GSTCD: variants seen among roughly 807,000 people sequenced by gnomAD.
The protein encoded by GSTCD is glutathione S-transferase C-terminal domain containing.
In GSTCD, 44 loss-of-function variants were observed where a neutral mutation model predicts 68.3. That is an observed-to-expected ratio of 0.64 (90% CI 0.51 to 0.83). The LOEUF is 0.83. Ranked by LOEUF, GSTCD falls within the 40% of genes least tolerant of loss-of-function variation. The probability of loss-of-function intolerance (pLI) is 0.00; values close to 1 mark genes in which losing one functional copy is unlikely to be tolerated. For missense variants in GSTCD, 739 were observed against 735.9 expected (o/e 1.00, Z -0.05); for synonymous variants, 273 against 255.2 (o/e 1.07, Z -0.67).
chr4:105,713,182 C>A (rs192299537), intron 1 of GSTCD, among the ~76,000 whole-genome samples: 10 of 151,748 alleles, frequency 6.6e-5, no homozygotes, highest in Admixed American at 5.2e-4. Context: ...AAAATATATA[C>A]CTAATTGTGT....
rs772645074 is a variant in GSTCD at position 105,842,048 on chromosome 4, A to G, written c.1696-17A>G. On this transcript the variant is annotated splice_polypyrimidine_tract_variant and intron_variant, in intron 10 of 11. Coordinates refer to ENST00000515279, the MANE Select transcript of GSTCD (RefSeq NM_001370181.1). ...GAAGATAAAAATAAACCCACATTCT[A>G]TTGCTTTTTCTTTTAGGAACACATG... The G allele has an allele frequency of 4.4e-6, 7 of 1,604,308 alleles. No homozygotes were observed. The African/African-American group carries it at 8.0e-5, about 18-fold the overall frequency.
chr4:105,722,414 C>T lies in GSTCD; in HGVS notation c.894+2887C>T, dbSNP rs535918152. 6.5e-4 allele frequency among the ~76,000 whole-genome samples: 99 copies of T among 152,104 alleles called. No individual in the cohort carries two copies. The South Asian group carries it at 0.017, about 26-fold the overall frequency. The stretch of plus-strand genomic sequence containing the variant: ...CTCAAGAGCTTTTAGCTTTAACTCA[C>T]TAGTTCTAATTTATAAGTAAAAAAC... On this transcript the variant is annotated intron_variant, in intron 3 of 11. Transcript: ENST00000515279.
At chr4:105,844,099 A>G (rs1449772834) in intron 11 of GSTCD, among the ~76,000 whole-genome samples, 5 of 152,186 alleles carry the variant, frequency 3.3e-5, no homozygotes. Context: ...TGGAAAAGGA[A>G]AAATTAACTG....
intron 5 of GSTCD, among the ~76,000 whole-genome samples, chr4:105,760,774 A>C (rs1734375568): frequency 6.6e-6 from 1 of 152,190 alleles, no homozygotes; most frequent in Non-Finnish European, 1.5e-5. Context: ...TTTATGAAGT[A>C]ATGCCAGCTA....
At chr4:105,833,098 C>A (rs1723966416) in intron 8 of GSTCD, among the ~76,000 whole-genome samples, 1 of 152,188 alleles carries the variant, frequency 6.6e-6, no homozygotes, top group Non-Finnish European at 1.5e-5. Flanking sequence ...AGAGATCTTG[C>A]TTTCCTCTTC....
At chr4:105,817,089 C>T (rs1578502533) in intron 5 of GSTCD, among the ~76,000 whole-genome samples, 1 of 151,794 alleles carries the variant, frequency 6.6e-6, no homozygotes, top group Admixed American at 6.6e-5. Flanking sequence ...CTTTTAAGAA[C>T]ATTGTACAAT....
intron 5 of GSTCD, among the ~76,000 whole-genome samples, chr4:105,752,065 T>C (rs1189780053): frequency 6.6e-6 from 1 of 152,158 alleles, no homozygotes; most frequent in African/African-American, 2.4e-5. Flanking sequence ...ACAGCAGTTC[T>C]TTAGCTAGGA....
At chr4:105,801,384 G>A (rs191021887) in intron 5 of GSTCD, among the ~76,000 whole-genome samples, 1 of 152,200 alleles carries the variant, frequency 6.6e-6, no homozygotes, top group African/African-American at 2.4e-5. Context: ...AGAATTGACT[G>A]TATCTCATCC....
At chr4:105,724,681 C>T (rs930263338) in intron 3 of GSTCD, among the ~76,000 whole-genome samples, 1 of 151,862 alleles carries the variant, frequency 6.6e-6, no homozygotes, top group Admixed American at 6.6e-5. Flanking sequence ...TCCATTTTTA[C>T]ACTTCTGCAG....
chr4:105,769,231 G>GCA (rs1464584030), intron 5 of GSTCD, among the ~76,000 whole-genome samples: 26 of 60,172 alleles, frequency 4.3e-4, no homozygotes, highest in African/African-American at 1.8e-3. Context: ...CTATACACGC[G>GCA]CGCACACACA....
At chr4:105,799,903 T>A (rs920031979) in intron 5 of GSTCD, among the ~76,000 whole-genome samples, 1 of 151,838 alleles carries the variant, frequency 6.6e-6, no homozygotes, top group Admixed American at 6.6e-5. Flanking sequence ...TTCTTACTTA[T>A]AAGTGGGAGC....
chr4:105,724,419 C>G (rs1732966671), intron 3 of GSTCD, among the ~76,000 whole-genome samples: 1 of 151,572 alleles, frequency 6.6e-6, no homozygotes, highest in African/African-American at 2.4e-5. Flanking sequence ...AAAAAAAATT[C>G]TATAGTGCTA....
At chr4:105,716,214 A>T (rs995023037) in intron 1 of GSTCD, among the ~76,000 whole-genome samples, 13 of 152,232 alleles carry the variant, frequency 8.5e-5, no homozygotes, top group Non-Finnish European at 1.8e-4. Flanking sequence ...CGCTAGGAAG[A>T]AAAAACATAG....
rs973641018 is a variant in GSTCD, at chr4:105,846,343, A to T, written c.*766A>T. 2 of 151,902 alleles carry T rather than the reference A, an allele frequency of 1.3e-5. No individual in the cohort carries two copies. Among genetic ancestry groups the T allele is most frequent in the African/African-American group, 2.4e-5 (1 of 41,222 alleles). The allele number at this position is 151,902 out of a possible 1,614,324, so 9.4% of individuals were successfully genotyped here. ...TCCTGCCTGGGAAAATGAGACCCAGACTCAAAATAAATCAATGAATGAATT... is the reference window on the plus strand; with the variant it reads ...TCCTGCCTGGGAAAATGAGACCCAGTCTCAAAATAAATCAATGAATGAATT... On this transcript the variant is annotated 3_prime_UTR_variant, in exon 12 of 12. Coordinates refer to ENST00000515279, the MANE Select transcript of GSTCD (RefSeq NM_001370181.1).
intron 5 of GSTCD, among the ~76,000 whole-genome samples, chr4:105,774,485 G>A (rs1400497406): frequency 2.0e-5 from 3 of 152,106 alleles, no homozygotes; most frequent in African/African-American, 7.2e-5. Context: ...GCAGTTGCTG[G>A]TACTGGTTTT....
intron 5 of GSTCD, among the ~76,000 whole-genome samples, chr4:105,749,515 CAG>C (rs1184154391): frequency 3.3e-5 from 5 of 149,400 alleles, no homozygotes; most frequent in Non-Finnish European, 4.5e-5. Context: ...AACAATAAAA[CAG>C]AATAGAGAAG....
At chr4:105,736,116 A>G (rs182011010) in intron 5 of GSTCD, among the ~76,000 whole-genome samples, 7 of 152,084 alleles carry the variant, frequency 4.6e-5, no homozygotes, top group African/African-American at 7.2e-5. Flanking sequence ...TTTTTTAAAC[A>G]TAGTTATTTT....
At chr4:105,714,456 A>G (rs1219570365) in intron 1 of GSTCD, among the ~76,000 whole-genome samples, 3 of 149,726 alleles carry the variant, frequency 2.0e-5, no homozygotes, top group Non-Finnish European at 4.4e-5. Context: ...AAGAAAAAAG[A>G]GGAAGGATTT....
At chr4:105,760,851 A>G (rs1381928662) in intron 5 of GSTCD, among the ~76,000 whole-genome samples, 1 of 152,124 alleles carries the variant, frequency 6.6e-6, no homozygotes, top group Non-Finnish European at 1.5e-5. Flanking sequence ...ATTTTTTTAA[A>G]TAATTAAAGC....
Sources: allele counts gnomAD v4.1 joint callset (sites outside exome capture counted in the v4.1 genomes callset), GRCh38; gene constraint gnomAD v4.1.1; transcripts MANE v1.5; gene names NCBI Gene and HGNC (gene_info 2026-07-23, HGNC 2026-07-21).